MINPP1: variants seen among roughly 807,000 people sequenced by gnomAD.
MINPP1 encodes the protein multiple inositol polyphosphate phosphatase 1.
A neutral mutation model predicts 46.1 loss-of-function variants in MINPP1; 28 were observed. The observed-to-expected ratio is 0.61, with a 90% confidence interval of 0.45 to 0.83. The LOEUF (loss-of-function observed/expected upper bound fraction) is 0.83. Ranked by LOEUF, MINPP1 falls within the 40% of genes least tolerant of loss-of-function variation. The pLI, the probability that MINPP1 is intolerant of heterozygous loss-of-function variation, is 0.00. For missense variants in MINPP1, 603 were observed against 610.0 expected, an observed-to-expected ratio of 0.99 and a Z score of 0.12; for synonymous variants, 268 against 249.1, an observed-to-expected ratio of 1.08 and a Z score of -0.72.
intron 4 of MINPP1, among the ~76,000 whole-genome samples, chr10:87,543,368 C>T (rs758734994): frequency 1.3e-5 from 2 of 152,142 alleles, no homozygotes; most frequent in Non-Finnish European, 2.9e-5. Flanking sequence ...AAGAGGTTAT[C>T]ATGGCCAGGG....
rs751994114 is a variant in MINPP1, at chr10:87,505,453, A to T, written c.538A>T (p.Ile180Phe). 1 of 1,613,326 alleles carries T rather than the reference A, an allele frequency of 6.2e-7. No homozygotes were observed. The highest frequency in any genetic ancestry group is 8.5e-7 in the Non-Finnish European group (1 of 1,179,584). The change falls in exon 1 of 5, where the codon ATC becomes TTC. Residue 180 changes from isoleucine to phenylalanine, a missense_variant. Physicochemically the swap from Ile to Phe is conservative, Grantham distance 21. Around this residue, in one of 3 missense-constraint regions of MINPP1, gnomAD observed 344 missense variants for 381.1 expected, o/e 0.90. Transcript: ENST00000371996. The surrounding 1 kb of genome is among the most constrained non-coding windows in gnomAD (Gnocchi z 4.4). The stretch of plus-strand genomic sequence containing the variant: ...TGAGAACTACGGCCGCCTGCGGCTC[A>T]TCACCAGTTCCAAGCACCGCTGCAT... The part of the protein sequence containing the change: ...SRENYGRLRL[I>F]TSSKHRCMDS...
chr10:87,550,255 T>C (rs1466205140), intron 4 of MINPP1, among the ~76,000 whole-genome samples: 1 of 152,194 alleles, frequency 6.6e-6, no homozygotes, highest in Non-Finnish European at 1.5e-5. Flanking sequence ...TCAAACTAAA[T>C]ATGGCTGTGT....
intron 4 of MINPP1, among the ~76,000 whole-genome samples, chr10:87,530,834 G>A (rs1186714806): frequency 1.3e-5 from 2 of 152,214 alleles, no homozygotes; most frequent in Admixed American, 1.3e-4. Context: ...GCCTCCTTGA[G>A]TTGCAGTGGG....
chr10:87,543,647 T>A (rs889151117), intron 4 of MINPP1, among the ~76,000 whole-genome samples: 3 of 152,182 alleles, frequency 2.0e-5, no homozygotes, highest in Non-Finnish European at 4.4e-5. Context: ...CACTGGATTA[T>A]AAGACATATT....
At chr10:87,513,639 A>G (rs1451674491) in intron 3 of MINPP1, among the ~76,000 whole-genome samples, 1 of 152,178 alleles carries the variant, frequency 6.6e-6, no homozygotes, top group East Asian at 1.9e-4. Context: ...TTCATGGGAA[A>G]TTGTGTTCTG....
Position 87,540,428 on chromosome 10 carries a change from TTCTC to T in MINPP1, c.1068-11648_1068-11645del, listed in dbSNP as rs1192943213. On this transcript the variant is annotated intron_variant, in intron 4 of 4. Transcript: ENST00000371996. ...CCCTCCTATACCTACATGCCTATGT[TTCTC>T]TCTCTTTCTCCTCTCTGTCAGTCTC... Among the ~76,000 whole-genome samples the T allele has an allele frequency of 3.4e-4, 52 of 151,954 alleles. No homozygotes were observed. The East Asian group carries it at 5.8e-3, about 17-fold the overall frequency.
At chr10:87,510,844 A>G (rs1851324473) in intron 2 of MINPP1, among the ~76,000 whole-genome samples, 1 of 152,248 alleles carries the variant, frequency 6.6e-6, no homozygotes, top group Admixed American at 6.5e-5. Context: ...ACACACATGA[A>G]TATTTTACAT....
In MINPP1 at chr10:87,505,898, C is replaced by A. The variant is rs562343101; in HGVS notation, c.637+346C>A. Among the ~76,000 whole-genome samples the A allele has an allele frequency of 2.6e-5, 4 of 152,264 alleles. No individual in the cohort carries two copies. Among genetic ancestry groups the A allele is most frequent in the South Asian group, 2.1e-4 (1 of 4,824 alleles). On this transcript the variant is annotated intron_variant, in intron 1 of 4. Transcript: ENST00000371996. This position sits in a 1 kb window ranked among gnomAD's most constrained non-coding sequence, Gnocchi z 4.4. ...TCCCAAACTGAATTGCCCCTTCGAG[C>A]GCCAACCCATCCCTTCCCCCTTCCC...
chr10:87,512,815 G>C (rs983713650), intron 2 of MINPP1, among the ~76,000 whole-genome samples: 1 of 151,714 alleles, frequency 6.6e-6, no homozygotes, highest in Non-Finnish European at 1.5e-5. Context: ...CTGGACAACA[G>C]AGCAAGACCC....
intron 2 of MINPP1, among the ~76,000 whole-genome samples, chr10:87,511,059 T>G (rs1851327493): frequency 6.6e-6 from 1 of 152,374 alleles, no homozygotes; most frequent in Non-Finnish European, 1.5e-5. Context: ...TTTTCATGTT[T>G]AGTAGCCATT....
At chr10:87,539,698 A>G (rs1443562053) in intron 4 of MINPP1, among the ~76,000 whole-genome samples, 5 of 152,164 alleles carry the variant, frequency 3.3e-5, no homozygotes, top group African/African-American at 1.2e-4. Context: ...TCCCAAAACT[A>G]TATTTAAGTT....
rs186831016 is a variant in MINPP1, at chr10:87,507,699, C to T, written c.638-637C>T. On this transcript the variant is annotated intron_variant, in intron 1 of 4. Transcript: ENST00000371996. ...CATGATTATGAATGCTTCTCCAATACATATTTGTTGCCCAATTGGGGGCAT... is the reference window on the plus strand; with the variant it reads ...CATGATTATGAATGCTTCTCCAATATATATTTGTTGCCCAATTGGGGGCAT... 1.0e-4 allele frequency: 30 copies of T among 294,086 alleles called. No homozygotes were observed. In the East Asian group the frequency reaches 5.0e-3, roughly 49 times the overall value. 18.2% of individuals were successfully genotyped at this position (294,086 alleles called of 1,614,324 possible).
At chr10:87,540,379 G>A (rs573800003) in intron 4 of MINPP1, among the ~76,000 whole-genome samples, 2 of 152,138 alleles carry the variant, frequency 1.3e-5, no homozygotes, top group East Asian at 1.9e-4. Flanking sequence ...GAAGGAATTC[G>A]TTTCACATTT....
At chr10:87,534,736 T>C (rs1037593331) in intron 4 of MINPP1, among the ~76,000 whole-genome samples, 3 of 152,188 alleles carry the variant, frequency 2.0e-5, no homozygotes, top group South Asian at 4.1e-4. Context: ...CCCACAACTT[T>C]TTAATAACTG....
At chr10:87,530,188 C>T (rs1291366509) in intron 4 of MINPP1, among the ~76,000 whole-genome samples, 5 of 152,170 alleles carry the variant, frequency 3.3e-5, no homozygotes, top group Non-Finnish European at 1.5e-5. Context: ...TATTACCAAT[C>T]GTCTGAAGCC....
intron 1 of MINPP1, 149 bp from the exon 2 acceptor site, chr10:87,508,187 A>T: frequency 6.5e-7 from 1 of 1,546,578 alleles, no homozygotes; most frequent in Non-Finnish European, 8.7e-7. Flanking sequence ...ATTTTACCCC[A>T]AGAGTTTCCT....
Position 87,521,092 on chromosome 10 carries a change from T to C in MINPP1, c.990T>C (p.Thr330=). 6.6e-7 allele frequency: 1 copy of C among 1,521,478 alleles called. No individual in the cohort carries two copies. Among genetic ancestry groups the C allele is most frequent in the Non-Finnish European group, 9.1e-7 (1 of 1,096,494 alleles). The allele number at this position is 1,521,478 out of a possible 1,614,324, so 94.2% of individuals were successfully genotyped here. A position where few individuals can be genotyped will look rare whatever the true frequency, so the allele number is the denominator to read the frequency against. The change falls in exon 4 of 5, where the codon ACT becomes ACC. Residue 330 remains threonine (T), a synonymous_variant. Transcript: ENST00000371996. ...ATTGGAAAAGAGGATATGGGTATACTATTAACAGTCGATCCAGCTGCACCT... is the reference window on the plus strand; with the variant it reads ...ATTGGAAAAGAGGATATGGGTATACCATTAACAGTCGATCCAGCTGCACCT... ...KQYWKRGYGY[T]INSRSSCTLF...
intron 2 of MINPP1, among the ~76,000 whole-genome samples, chr10:87,510,494 G>C (rs529480532): frequency 5.1e-4 from 78 of 152,326 alleles, no homozygotes; most frequent in South Asian, 4.1e-3. Context: ...TCTTTTTATA[G>C]AAACCATTTT....
chr10:87,537,750 T>C (rs3847450), intron 4 of MINPP1, among the ~76,000 whole-genome samples: 1 of 151,596 alleles, frequency 6.6e-6, no homozygotes, highest in Non-Finnish European at 1.5e-5. Flanking sequence ...AACTATTCTG[T>C]TTTTTTGTGT....
Sources: allele counts gnomAD v4.1 joint callset (sites outside exome capture counted in the v4.1 genomes callset), GRCh38; gene constraint gnomAD v4.1.1; regional missense constraint gnomAD v4.1.1; non-coding constraint Gnocchi (gnomAD v3.1); transcripts MANE v1.5; gene names NCBI Gene and HGNC (gene_info 2026-07-23, HGNC 2026-07-21).